The following CYP2A6 variants were observed in gnomAD, a reference collection of about 807,000 sequenced individuals.
CYP2A6 encodes the protein cytochrome P450 family 2 subfamily A member 6, also known as cytochrome P450 2A6.
A neutral mutation model predicts 42.3 loss-of-function variants in CYP2A6; 27 were observed. That is an observed-to-expected ratio of 0.64 (90% CI 0.47 to 0.88). The LOEUF (loss-of-function observed/expected upper bound fraction) is 0.88, where lower values mean the gene tolerates loss of function less well. CYP2A6 is among the 40% of genes least tolerant of loss of function. The pLI, the probability that CYP2A6 is intolerant of heterozygous loss-of-function variation, is 0.00. For missense variants in CYP2A6, 628 were observed against 646.0 expected (o/e 0.97, Z 0.30); for synonymous variants, 238 against 246.3 (o/e 0.97, Z 0.31).
At position 40,849,605 on chromosome 19, in the gene CYP2A6, G is replaced by A. The variant is rs551743511; in HGVS notation, c.343+213C>T. 2.6e-5 allele frequency among the ~76,000 whole-genome samples: 4 copies of A among 151,470 alleles called. No homozygotes were observed. In the South Asian group the frequency reaches 8.4e-4, roughly 32 times the overall value. On this transcript the variant is annotated intron_variant, in intron 2 of 8. Coordinates refer to ENST00000301141, the MANE Select transcript of CYP2A6 (RefSeq NM_000762.6). The stretch of plus-strand genomic sequence containing the variant: ...CCAGTGAGAGAGAATAAGGAGGTGG[G>A]GCAGAGAGAGGCAGGGAGGAATCAG...
chr19:40,849,045 G>GGGAGA, intron 2 of CYP2A6, among the ~76,000 whole-genome samples: 1 of 24,246 alleles, frequency 4.1e-5, no homozygotes, highest in African/African-American at 2.0e-4. Flanking sequence ...AAGAGAGAGA[G>GGGAGA]GAGAGAGAGA....
Position 40,849,912 on chromosome 19 carries a change from T to C in CYP2A6, c.249A>G (p.Gly83=), listed in dbSNP as rs148202548. 3.2e-5 allele frequency: 51 copies of C among 1,611,370 alleles called. No individual in the cohort carries two copies. In the Middle Eastern group the frequency reaches 4.9e-4, roughly 16 times the overall value. Residue 83 remains glycine, a synonymous_variant, in exon 2 of 9, where the codon GGA becomes GGG. Transcript: ENST00000301141. ...CCAGAGCCTCCCTGACGGCATCATGTCCACACAGCACCACGACCCGCCGGG... is the reference window on the plus strand; with the variant it reads ...CCAGAGCCTCCCTGACGGCATCATGCCCACACAGCACCACGACCCGCCGGG... ...LGPRRVVVLC[G]HDAVREALVD...
Position 40,845,854 on chromosome 19 carries a change from G to A in CYP2A6, c.973+102C>T, listed in dbSNP as rs934112894. 44 of 1,523,424 alleles carry A rather than the reference G, an allele frequency of 2.9e-5. 1 individual carries two copies. Among genetic ancestry groups the A allele is most frequent in the South Asian group, 3.7e-5 (3 of 80,010 alleles). 94.4% of individuals were successfully genotyped at this position (1,523,424 alleles called of 1,614,324 possible). On this transcript the variant is annotated intron_variant, in intron 6 of 8. Transcript: ENST00000301141. Reference sequence around the variant, plus strand: ...GCCCTGTCTCTGGACAGCAAGTCACGTCTCAGGGTCCCGGGATCTGGGACA... The same window carrying A: ...GCCCTGTCTCTGGACAGCAAGTCACATCTCAGGGTCCCGGGATCTGGGACA...
chr19:40,847,051 G>A lies in CYP2A6; in HGVS notation c.655C>T (p.Leu219Phe). ...ATCACCGAAGAGAACATCTCATAGAGCTGGGGTTGCAGAGAGAGGATGGGA... is the reference window on the plus strand; with the variant it reads ...ATCACCGAAGAGAACATCTCATAGAACTGGGGTTGCAGAGAGAGGATGGGA... ...FQFTSTSTGQ[L>F]YEMFSSVMKH... Residue 219 changes from leucine (L) to phenylalanine (F), a missense_variant and splice_region_variant, in exon 5 of 9, where the codon CTC becomes TTC. Physicochemically the swap from Leu to Phe is conservative, Grantham distance 22. Around this residue, in one of 2 missense-constraint regions of CYP2A6, gnomAD observed 606 missense variants for 568.1 expected, o/e 1.07. Coordinates refer to ENST00000301141, the MANE Select transcript of CYP2A6 (RefSeq NM_000762.6). 6.2e-7 allele frequency: 1 copy of A among 1,611,064 alleles called. No individual in the cohort carries two copies. Among genetic ancestry groups the A allele is most frequent in the Non-Finnish European group, 8.5e-7 (1 of 1,179,402 alleles).
In CYP2A6 at chr19:40,844,883, A is replaced by T; in HGVS notation, c.1162-111T>A. On this transcript the variant is annotated intron_variant, in intron 7 of 8. Transcript: ENST00000301141. The stretch of plus-strand genomic sequence containing the variant: ...CCCCAGGTAAGGGGAAGTGGCAGGC[A>T]TGGAGGAGTTGGGGTCCTCTGATGG... 3.5e-6 allele frequency: 5 copies of T among 1,409,292 alleles called. No individual in the cohort carries two copies. In the Admixed American group the frequency reaches 1.1e-4, roughly 32 times the overall value. 87.3% of individuals were successfully genotyped at this position (1,409,292 alleles called of 1,614,324 possible).
In CYP2A6 at chr19:40,845,372, T is replaced by C. The variant is rs1437570632; in HGVS notation, c.1083A>G (p.Arg361=). ...AACTCATGGGGATCACGTCTCCAAA[T>C]CTTTGGATCTCGTGGATCACTGCCT... is the stretch of plus-strand genomic sequence containing the variant. The part of the protein sequence containing the change: ...YMEAVIHEIQ[R]FGDVIPMSLA... The change falls in exon 7 of 9, where the codon AGA becomes AGG. Residue 361 remains arginine (R), a synonymous_variant. Transcript: ENST00000301141. The C allele has an allele frequency of 6.2e-7, 1 of 1,611,690 alleles. No individual in the cohort carries two copies.
chr19:40,844,981 T>C, intron 7 of CYP2A6: 1 of 698,388 alleles, frequency 1.4e-6, no homozygotes, highest in East Asian at 3.1e-5. Flanking sequence ...CATGTCCTTC[T>C]AGGCAGGAGT....
chr19:40,849,554 T>G (rs932588411), intron 2 of CYP2A6, among the ~76,000 whole-genome samples: 1 of 149,194 alleles, frequency 6.7e-6, no homozygotes, highest in Non-Finnish European at 1.5e-5. Context: ...TCCTTAGAGA[T>G]GGAGAGAGAG....
At position 40,844,990 on chromosome 19, in the gene CYP2A6, G is replaced by A. The variant is rs28399456; in HGVS notation, c.1162-218C>T. ...GGGGTCCATGTCCTTCTAGGCAGGAGTTTGGGGGACCTGAGATTTCTGTCC... is the reference window on the plus strand; with the variant it reads ...GGGGTCCATGTCCTTCTAGGCAGGAATTTGGGGGACCTGAGATTTCTGTCC... On this transcript the variant is annotated intron_variant, in intron 7 of 8. Coordinates refer to ENST00000301141, the MANE Select transcript of CYP2A6 (RefSeq NM_000762.6). 4.4e-4 allele frequency: 299 copies of A among 680,410 alleles called. 43 individuals are homozygous for A. The East Asian group carries it at 8.7e-3, about 20-fold the overall frequency. 42.1% of individuals were successfully genotyped at this position (680,410 alleles called of 1,614,324 possible). A position where few individuals can be genotyped will look rare whatever the true frequency, so the allele number is the denominator to read the frequency against.
rs1161094557 is a variant in CYP2A6 at position 40,848,354 on chromosome 19, G to A, written c.519C>T (p.Phe173=). The change falls in exon 4 of 9, where the codon TTC becomes TTT. Residue 173 remains phenylalanine (F), a synonymous_variant. Coordinates refer to ENST00000301141, the MANE Select transcript of CYP2A6 (RefSeq NM_000762.6). ...TGGANIDPTF[F]LSRTVSNVIS... The stretch of plus-strand genomic sequence containing the variant: ...TGACATTGGAGACTGTGCGGCTCAG[G>A]AAGAAGGTGGGATCGATATTGGCGC... The A allele has an allele frequency of 6.2e-7, 1 of 1,612,000 alleles. No individual in the cohort carries two copies. The highest frequency in any genetic ancestry group is 8.5e-7 in the Non-Finnish European group (1 of 1,179,958).
rs776087815 is a variant in CYP2A6, at chr19:40,846,913, G to C, written c.793C>G (p.Arg265Gly). The C allele has an allele frequency of 1.2e-6, 2 of 1,612,040 alleles. No homozygotes were observed. Among genetic ancestry groups the C allele is most frequent in the Admixed American group, 1.7e-5 (1 of 59,994 alleles). Residue 265 changes from arginine (R) to glycine (G), a missense_variant, in exon 5 of 9, where the codon CGG (arginine) becomes GGG (glycine). By Grantham distance (125) the Arg-to-Gly change is moderately radical. Transcript: ENST00000301141. ...ATGAGAAAGGAGTCAATGAAGTCCC[G>C]TGGGGAATTGGGATCCAGCGTGCGC... ...NQRTLDPNSPRDFIDSFLIRM... is the reference protein window; with the variant it reads ...NQRTLDPNSPGDFIDSFLIRM...
intron 2 of CYP2A6, among the ~76,000 whole-genome samples, chr19:40,849,176 T>A (rs1035906634): frequency 4.1e-5 from 6 of 145,726 alleles, no homozygotes. Context: ...AAGGGGACAC[T>A]CCATGGAGGA....
Position 40,844,651 on chromosome 19 carries a change from G to T in CYP2A6, c.1283C>A (p.Ala428Asp), listed in dbSNP as rs1048171337. ...CTTACCGATGGAAAAGGGCACAAAAGCATCACTCTTCTTAAACTGCCCCTT... is the reference window on the plus strand; with the variant it reads ...CTTACCGATGGAAAAGGGCACAAAATCATCACTCTTCTTAAACTGCCCCTT... ...NEKGQFKKSD[A>D]FVPFSIGKRN... Residue 428 changes from alanine to aspartate, a missense_variant, in exon 8 of 9, where the codon GCT (alanine) becomes GAT (aspartate). Physicochemically the swap from Ala to Asp is moderately radical, Grantham distance 126. Coordinates refer to ENST00000301141, the MANE Select transcript of CYP2A6 (RefSeq NM_000762.6). The T allele has an allele frequency of 2.5e-6, 4 of 1,611,526 alleles. No individual in the cohort carries two copies. Among genetic ancestry groups the T allele is most frequent in the Admixed American group, 1.7e-5 (1 of 59,928 alleles).
chr19:40,846,562 G>C (rs373351065), intron 5 of CYP2A6, among the ~76,000 whole-genome samples: 2 of 151,210 alleles, frequency 1.3e-5, no homozygotes, highest in Non-Finnish European at 2.9e-5. Context: ...GTGCAATGCC[G>C]TGATCTTGGC....
intron 1 of CYP2A6, 104 bp downstream of exon 1, chr19:40,850,143 C>G: frequency 6.5e-7 from 1 of 1,533,924 alleles, no homozygotes; most frequent in Non-Finnish European, 8.8e-7. Flanking sequence ...TCCAAAACTC[C>G]ATTTCCTAAG....
intron 6 of CYP2A6, 80 bp from the exon 7 acceptor site, chr19:40,845,561 T>C: frequency 6.4e-7 from 1 of 1,573,752 alleles, no homozygotes; most frequent in Non-Finnish European, 8.6e-7. Context: ...CAAAATGGGG[T>C]GGATGATATG....
chr19:40,844,845 G>C (rs576973328), intron 7 of CYP2A6, 73 bp from the exon 8 acceptor site: 21 of 1,539,556 alleles, frequency 1.4e-5, no homozygotes, highest in Non-Finnish European at 1.8e-5. Flanking sequence ...GGGCTGGAGG[G>C]GGAACTAGTG....
chr19:40,849,043 GAGGA>G lies in CYP2A6; in HGVS notation c.344-284_344-281del, dbSNP rs1208434597. Reference sequence around the variant, plus strand: ...AGAGGAGAGAGAGAGAGAAGAGAGAGAGGAGAGAGAGAGAGAGAGAGAGAGAGAG... The same window carrying G: ...AGAGGAGAGAGAGAGAGAAGAGAGAGGAGAGAGAGAGAGAGAGAGAGAGAG... On this transcript the variant is annotated intron_variant, in intron 2 of 8. Coordinates refer to ENST00000301141, the MANE Select transcript of CYP2A6 (RefSeq NM_000762.6). 6.1e-3 allele frequency among the ~76,000 whole-genome samples: 195 copies of G among 32,028 alleles called. 30 individuals carry two copies. Among genetic ancestry groups the G allele is most frequent in the African/African-American group, 0.011 (115 of 10,366 alleles). The allele number at this position is 32,028 out of a possible 152,430, so 21.0% of individuals were successfully genotyped here.
chr19:40,848,807 A>G (rs8192725), intron 2 of CYP2A6, 44 bp from the exon 3 acceptor site: 1,189,500 of 1,585,970 alleles, frequency 0.75, 449,690 homozygotes, highest in East Asian at 0.8. Flanking sequence ...AGGGGGCGGC[A>G]GGGGCAGGAG....
Sources: gnomAD v4.1 joint callset for allele counts (sites outside exome capture counted in the v4.1 genomes callset) on GRCh38, gnomAD v4.1.1 for gene constraint, gnomAD v4.1.1 regional missense constraint, MANE v1.5 for transcripts, NCBI Gene and HGNC (gene_info 2026-07-23, HGNC 2026-07-21) for gene names.